ADCK1: variants seen among roughly 807,000 people sequenced by gnomAD.
ADCK1 encodes the protein aarF domain-containing protein kinase 1.
A neutral mutation model predicts 52.3 loss-of-function variants in ADCK1; 41 were observed. That is an observed-to-expected ratio of 0.78 (90% CI 0.61 to 1.02). The LOEUF (loss-of-function observed/expected upper bound fraction) is 1.02. Among genes scored for constraint, ADCK1 ranks in the 50% least tolerant of loss-of-function variants. The probability of loss-of-function intolerance (pLI) is 0.00; values close to 1 mark genes in which losing one functional copy is unlikely to be tolerated. For synonymous variants in ADCK1, 250 were observed against 274.6 expected (o/e 0.91, Z 0.89); for missense variants, 658 against 679.5 (o/e 0.97, Z 0.35).
At chr14:77,821,299 C>T (rs1377995094) in intron 2 of ADCK1, among the ~76,000 whole-genome samples, 1 of 152,088 alleles carries the variant, frequency 6.6e-6, no homozygotes, top group Non-Finnish European at 1.5e-5. Flanking sequence ...TTTTTAAAGG[C>T]CAGAGCTCTG....
Position 77,897,401 on chromosome 14 carries a change from C to CA in ADCK1, c.583-1696dup, listed in dbSNP as rs1333685072. On this transcript the variant is annotated intron_variant, in intron 5 of 10. Transcript: ENST00000238561. ...CATCCAGGAACTTGGGCACCCATCT[C>CA]AAATCCAGGGCCCTGGTGGTGGGGC... Among the ~76,000 whole-genome samples the CA allele has an allele frequency of 2.6e-5, 4 of 152,314 alleles. No homozygotes were observed. The East Asian group carries it at 7.7e-4, about 29-fold the overall frequency.
chr14:77,880,078 G>C (rs2082988527), intron 4 of ADCK1, among the ~76,000 whole-genome samples: 2 of 152,234 alleles, frequency 1.3e-5, no homozygotes, highest in Admixed American at 6.5e-5. Context: ...TCTCAGGCTA[G>C]ACTGTCCTGA....
At chr14:77,922,365 G>A (rs72690696) in intron 7 of ADCK1, among the ~76,000 whole-genome samples, 3,439 of 152,304 alleles carry the variant, frequency 0.023, 50 homozygotes, top group Middle Eastern at 0.048. Flanking sequence ...CCAGGAAAAT[G>A]GCAGGAGCTG....
chr14:77,835,790 C>T (rs563391409), intron 3 of ADCK1, among the ~76,000 whole-genome samples: 12 of 152,266 alleles, frequency 7.9e-5, no homozygotes, highest in South Asian at 6.2e-4. Context: ...CTTGCACCAC[C>T]ACACCTGGCT....
intron 4 of ADCK1, among the ~76,000 whole-genome samples, chr14:77,868,380 C>G (rs1302519180): frequency 6.6e-6 from 1 of 152,232 alleles, no homozygotes; most frequent in Admixed American, 6.5e-5. Flanking sequence ...CTCAATCGAG[C>G]AATCGGGCTG....
intron 1 of ADCK1, 78 bp downstream of exon 1, chr14:77,800,248 C>G (rs12880840): frequency 0.46 from 69,288 of 152,272 alleles, 16,063 homozygotes; most frequent in Admixed American, 0.54. Flanking sequence ...GCGCCTGGAG[C>G]GCGAGGGAAC....
chr14:77,803,586 G>A (rs906575422), intron 1 of ADCK1, among the ~76,000 whole-genome samples: 11 of 152,176 alleles, frequency 7.2e-5, no homozygotes, highest in Admixed American at 5.9e-4. Flanking sequence ...CAGCGAGATG[G>A]ATTCCATTCT....
chr14:77,821,530 A>G (rs1327732107), intron 2 of ADCK1, among the ~76,000 whole-genome samples: 1 of 152,140 alleles, frequency 6.6e-6, no homozygotes, highest in Non-Finnish European at 1.5e-5. Flanking sequence ...TGCCTAGGAT[A>G]TCGTGGAGAT....
intron 4 of ADCK1, among the ~76,000 whole-genome samples, chr14:77,876,065 C>T (rs2082892510): frequency 6.6e-6 from 1 of 152,180 alleles, no homozygotes; most frequent in Non-Finnish European, 1.5e-5. Context: ...GCATGAGGCT[C>T]CTATTGGCTG....
At chr14:77,883,168 C>T (rs2083070770) in intron 4 of ADCK1, among the ~76,000 whole-genome samples, 1 of 152,016 alleles carries the variant, frequency 6.6e-6, no homozygotes, top group South Asian at 2.1e-4. Flanking sequence ...TATTAAAATG[C>T]AGTTGTTTTA....
intron 4 of ADCK1, among the ~76,000 whole-genome samples, chr14:77,885,096 T>G (rs1207175171): frequency 6.6e-6 from 1 of 152,254 alleles, no homozygotes; most frequent in Non-Finnish European, 1.5e-5. Context: ...TCTAGGGAGT[T>G]GCAGGAAATT....
At chr14:77,807,825 T>C (rs2081262873) in intron 1 of ADCK1, among the ~76,000 whole-genome samples, 1 of 151,940 alleles carries the variant, frequency 6.6e-6, no homozygotes, top group African/African-American at 2.4e-5. Context: ...GTATTTTTAG[T>C]AGAGATGAGG....
At chr14:77,824,216 T>C (rs1000308290) in intron 3 of ADCK1, among the ~76,000 whole-genome samples, 2 of 151,876 alleles carry the variant, frequency 1.3e-5, no homozygotes, top group Admixed American at 1.3e-4. Flanking sequence ...TTAATTTTTT[T>C]CCCCAAAATA....
intron 4 of ADCK1, among the ~76,000 whole-genome samples, chr14:77,877,002 T>C (rs2082914987): frequency 6.6e-6 from 1 of 151,758 alleles, no homozygotes; most frequent in Non-Finnish European, 1.5e-5. Flanking sequence ...ATCACCTGAC[T>C]TCAGGAGTTC....
At chr14:77,858,274 G>C (rs776413108) in intron 3 of ADCK1, among the ~76,000 whole-genome samples, 2 of 152,150 alleles carry the variant, frequency 1.3e-5, no homozygotes, top group Non-Finnish European at 2.9e-5. Flanking sequence ...GTCTCGCTCT[G>C]TTGCCCAGGC....
intron 3 of ADCK1, among the ~76,000 whole-genome samples, chr14:77,852,678 TATATATATATATATA>T (rs2082319890): frequency 1.4e-5 from 1 of 74,024 alleles, no homozygotes; most frequent in Non-Finnish European, 2.9e-5. Context: ...TATATATATA[TATATATATATATATA>T]TATATATATA....
chr14:77,882,869 T>G (rs1214616313), intron 4 of ADCK1, among the ~76,000 whole-genome samples: 1 of 152,062 alleles, frequency 6.6e-6, no homozygotes, highest in Non-Finnish European at 1.5e-5. Context: ...GTCTCCTGAT[T>G]CCCAGGCTCA....
chr14:77,929,835 T>G (rs1037969844), intron 9 of ADCK1, among the ~76,000 whole-genome samples: 3 of 152,098 alleles, frequency 2.0e-5, no homozygotes, highest in Non-Finnish European at 4.4e-5. Context: ...CCTGGCTAAC[T>G]TTTGTATTTT....
rs980740893 is a variant in ADCK1, at chr14:77,931,745, A to G, written c.1400+34A>G. On this transcript the variant is annotated intron_variant, in intron 10 of 10. Coordinates refer to ENST00000238561, the MANE Select transcript of ADCK1 (RefSeq NM_020421.4). ...GGGCTCCTCCCTCTCCTCCCCTCCTAGCCCCCTGGCCTGCCCCAGGGGTCC... is the reference window on the plus strand; with the variant it reads ...GGGCTCCTCCCTCTCCTCCCCTCCTGGCCCCCTGGCCTGCCCCAGGGGTCC... The G allele has an allele frequency of 7.6e-6, 12 of 1,586,518 alleles. No homozygotes were observed. The Admixed American group carries it at 8.4e-5, about 11-fold the overall frequency.
Sources: allele counts gnomAD v4.1 joint callset (sites outside exome capture counted in the v4.1 genomes callset), GRCh38; gene constraint gnomAD v4.1.1; transcripts MANE v1.5; gene names NCBI Gene and HGNC (gene_info 2026-07-23, HGNC 2026-07-21).